NCMAP: variants seen among roughly 807,000 people sequenced by gnomAD.
The protein encoded by NCMAP is noncompact myelin-associated protein.
NCMAP carries 8 observed loss-of-function variants against 7.8 expected under a neutral mutation model. That is an observed-to-expected ratio of 1.02 (90% CI 0.60 to 1.84). NCMAP has a LOEUF of 1.84. Among genes scored for constraint, NCMAP ranks in the 40% most tolerant of loss-of-function variants. The probability of loss-of-function intolerance (pLI) is 0.00; values close to 1 mark genes in which losing one functional copy is unlikely to be tolerated. For synonymous variants in NCMAP, 41 were observed against 52.9 expected, an observed-to-expected ratio of 0.78 and a Z score of 0.98; for missense variants, 112 against 131.4, an observed-to-expected ratio of 0.85 and a Z score of 0.72.
chr1:24,585,847 G>C (rs1651866701), intron 1 of NCMAP, among the ~76,000 whole-genome samples: 1 of 152,176 alleles, frequency 6.6e-6, no homozygotes, highest in Non-Finnish European at 1.5e-5. Flanking sequence ...AGGTCCTGGT[G>C]AATCCCTGCT....
chr1:24,592,997 G>A (rs918623808), intron 1 of NCMAP, among the ~76,000 whole-genome samples: 5 of 151,888 alleles, frequency 3.3e-5, no homozygotes, highest in Non-Finnish European at 4.4e-5. Flanking sequence ...CTTGGCCAAC[G>A]TGGTGAAACC....
At chr1:24,568,903 A>G (rs2776735) in intron 1 of NCMAP, among the ~76,000 whole-genome samples, 113,200 of 152,034 alleles carry the variant, frequency 0.74, 42,772 homozygotes, top group African/African-American at 0.86. Context: ...GACTAGAGGC[A>G]TGCGTCACCA....
rs1651556369 is a variant in NCMAP, at chr1:24,576,285, G to T, written c.-7-19139G>T. On this transcript the variant is annotated intron_variant, in intron 1 of 3. Transcript: ENST00000374392. This position sits in a 1 kb window ranked among gnomAD's most constrained non-coding sequence, Gnocchi z 4.0. ...AGAGGGTGGGAAGAAAAGACAGGCGGCAGGCCAAGACGAGAGTGTAGGTTT... is the reference window on the plus strand; with the variant it reads ...AGAGGGTGGGAAGAAAAGACAGGCGTCAGGCCAAGACGAGAGTGTAGGTTT... 6.6e-6 allele frequency among the ~76,000 whole-genome samples: 1 copy of T among 152,212 alleles called. No homozygotes were observed. The highest frequency in any genetic ancestry group is 2.4e-5 in the African/African-American group (1 of 41,466).
At chr1:24,575,176 A>G (rs1442337533) in intron 1 of NCMAP, among the ~76,000 whole-genome samples, 1 of 151,704 alleles carries the variant, frequency 6.6e-6, no homozygotes, top group Non-Finnish European at 1.5e-5. Flanking sequence ...GTGCCACTGC[A>G]CTCCAGCCTG....
intron 1 of NCMAP, among the ~76,000 whole-genome samples, chr1:24,574,794 C>CTT (rs772381377): frequency 1.9e-4 from 25 of 131,808 alleles, no homozygotes; most frequent in African/African-American, 3.7e-4. Context: ...GCCCGCAATA[C>CTT]TTTTTTTTTT....
rs192764052 is a variant in NCMAP, at chr1:24,598,319, G to A, written c.83-2621G>A. 1.7e-4 allele frequency among the ~76,000 whole-genome samples: 26 copies of A among 152,128 alleles called. No homozygotes were observed. The East Asian group carries it at 1.7e-3, about 10-fold the overall frequency. On this transcript the variant is annotated intron_variant, in intron 2 of 3. Transcript: ENST00000374392. Reference sequence around the variant, plus strand: ...ATTGCCACAAAGTGAACATACCTGCGCAACCAGTCCCCAAATCAAAAAAGA... The same window carrying A: ...ATTGCCACAAAGTGAACATACCTGCACAACCAGTCCCCAAATCAAAAAAGA...
Position 24,608,542 on chromosome 1 carries a change from C to G in NCMAP, c.*2795C>G, listed in dbSNP as rs937999628. On this transcript the variant is annotated 3_prime_UTR_variant, in exon 4 of 4. Coordinates refer to ENST00000374392, the MANE Select transcript of NCMAP (RefSeq NM_001010980.5). ...AGAATGGCATCTAACCAGAGCAAAG[C>G]CATTTCTTTGAGGGCTCAAGCCATA... 1 of 152,244 alleles carries G rather than the reference C, an allele frequency of 6.6e-6. No homozygotes were observed. The highest frequency in any genetic ancestry group is 2.4e-5 in the African/African-American group (1 of 41,446). 9.4% of individuals were successfully genotyped at this position (152,244 alleles called of 1,614,324 possible).
At chr1:24,573,935 T>C (rs1365739481) in intron 1 of NCMAP, among the ~76,000 whole-genome samples, 2 of 86,086 alleles carry the variant, frequency 2.3e-5, no homozygotes, top group East Asian at 7.0e-4. Context: ...TGCACTCTGC[T>C]GGGGACCCAG....
Position 24,576,435 on chromosome 1 carries a change from C to T in NCMAP, c.-7-18989C>T, listed in dbSNP as rs1183612639. Among the ~76,000 whole-genome samples, 2 of 152,194 alleles carry T rather than the reference C, an allele frequency of 1.3e-5. No homozygotes were observed. Among genetic ancestry groups the T allele is most frequent in the Non-Finnish European group, 2.9e-5 (2 of 68,040 alleles). ...TGGGATTGTTTCCCCAACTCCTGTC[C>T]TCTCTGGAGTCCAGCGGCTGCCAGG... On this transcript the variant is annotated intron_variant, in intron 1 of 3. Transcript: ENST00000374392. The surrounding 1 kb of genome is among the most constrained non-coding windows in gnomAD (Gnocchi z 4.0).
At chr1:24,597,669 A>AAGAAAGAAAGAAAGAG (rs1427045249) in intron 2 of NCMAP, among the ~76,000 whole-genome samples, 4 of 139,584 alleles carry the variant, frequency 2.9e-5, no homozygotes, top group Non-Finnish European at 4.7e-5. Flanking sequence ...GAAAGAAAGA[A>AAGAAAGAAAGAAAGAG]AGAAAAGAAA....
intron 1 of NCMAP, among the ~76,000 whole-genome samples, chr1:24,579,815 C>T (rs945366418): frequency 6.6e-6 from 1 of 152,196 alleles, no homozygotes; most frequent in Non-Finnish European, 1.5e-5. Flanking sequence ...TCTCCATAGG[C>T]CGACTGGACA....
intron 1 of NCMAP, among the ~76,000 whole-genome samples, chr1:24,586,460 C>T (rs1651884798): frequency 6.6e-6 from 1 of 152,168 alleles, no homozygotes; most frequent in Non-Finnish European, 1.5e-5. Context: ...TTCCACTTTG[C>T]AGTTTATAAA....
At chr1:24,566,579 A>G (rs1450002541) in intron 1 of NCMAP, among the ~76,000 whole-genome samples, 5 of 152,202 alleles carry the variant, frequency 3.3e-5, no homozygotes, top group Non-Finnish European at 7.3e-5. Flanking sequence ...TTCCCACAAC[A>G]GATCATTAGA....
chr1:24,600,737 G>C (rs1652456278), intron 2 of NCMAP, among the ~76,000 whole-genome samples: 1 of 152,228 alleles, frequency 6.6e-6, no homozygotes, highest in African/African-American at 2.4e-5. Context: ...GCTAAGGACA[G>C]GGTCCTTCAA....
intron 1 of NCMAP, among the ~76,000 whole-genome samples, chr1:24,569,064 G>A (rs564219153): frequency 1.3e-5 from 2 of 151,864 alleles, no homozygotes; most frequent in East Asian, 1.9e-4. Flanking sequence ...CCAATGGTGC[G>A]ATCTCAGCTC....
intron 1 of NCMAP, among the ~76,000 whole-genome samples, chr1:24,591,272 T>C (rs958196643): frequency 6.6e-6 from 1 of 152,048 alleles, no homozygotes; most frequent in Non-Finnish European, 1.5e-5. Flanking sequence ...GACTGGGCTG[T>C]GTCTTTTTTT....
intron 1 of NCMAP, among the ~76,000 whole-genome samples, chr1:24,569,846 C>A (rs1302346201): frequency 6.6e-6 from 1 of 150,858 alleles, no homozygotes; most frequent in Non-Finnish European, 1.5e-5. Flanking sequence ...GCCCTCAAAA[C>A]ATGGTGCAGA....
rs71577720 is a variant in NCMAP at position 24,577,401 on chromosome 1, G to GTTTTTTTTTTTTTTTTTTTTTTTTTTTT, written c.-7-18020_-7-17993dup. On this transcript the variant is annotated intron_variant, in intron 1 of 3. Coordinates refer to ENST00000374392, the MANE Select transcript of NCMAP (RefSeq NM_001010980.5). ...GAGTTTCTAAGAAGGCACTGGCCTT[G>GTTTTTTTTTTTTTTTTTTTTTTTTTTTT]TTTTTTTTTTTTTTTTTTTTTTTTT... 1.0e-3 allele frequency among the ~76,000 whole-genome samples: 41 copies of GTTTTTTTTTTTTTTTTTTTTTTTTTTTT among 39,960 alleles called. 1 individual carries two copies. The highest frequency in any genetic ancestry group is 1.9e-3 in the Admixed American group (6 of 3,214). The allele number at this position is 39,960 out of a possible 152,430, so 26.2% of individuals were successfully genotyped here. A position where few individuals can be genotyped will look rare whatever the true frequency, so the allele number is the denominator to read the frequency against.
chr1:24,598,446 G>A lies in NCMAP; in HGVS notation c.83-2494G>A, dbSNP rs77931993. Among the ~76,000 whole-genome samples the A allele has an allele frequency of 2.8e-4, 43 of 151,972 alleles. 1 individual carries two copies. The East Asian group carries it at 8.3e-3, about 29-fold the overall frequency. On this transcript the variant is annotated intron_variant, in intron 2 of 3. Coordinates refer to ENST00000374392, the MANE Select transcript of NCMAP (RefSeq NM_001010980.5). Reference sequence around the variant, plus strand: ...TTCTGACTTTTACCACCATCGATTAGTTCTGCTTGGTTTTGAACTTTATAT... The same window carrying A: ...TTCTGACTTTTACCACCATCGATTAATTCTGCTTGGTTTTGAACTTTATAT...
Sources: allele counts gnomAD v4.1 joint callset (sites outside exome capture counted in the v4.1 genomes callset), GRCh38; gene constraint gnomAD v4.1.1; non-coding constraint Gnocchi (gnomAD v3.1); transcripts MANE v1.5; gene names NCBI Gene and HGNC (gene_info 2026-07-23, HGNC 2026-07-21).